The following ARHGAP29 variants were observed in gnomAD, a reference collection of about 807,000 sequenced individuals.
ARHGAP29 encodes rho GTPase-activating protein 29.
ARHGAP29 carries 43 observed loss-of-function variants against 122.6 expected under a neutral mutation model. The observed-to-expected ratio is 0.35, with a 90% confidence interval of 0.27 to 0.45. ARHGAP29 has a LOEUF of 0.45. Among genes scored for constraint, ARHGAP29 ranks in the 20% least tolerant of loss-of-function variants. The pLI is 1.00. For synonymous variants in ARHGAP29, 506 were observed against 497.1 expected, an observed-to-expected ratio of 1.02 and a Z score of -0.24; for missense variants, 1,303 against 1,477.2, an observed-to-expected ratio of 0.88 and a Z score of 1.93.
chr1:94,200,517 C>A (rs1650772861), intron 12 of ARHGAP29, among the ~76,000 whole-genome samples: 1 of 152,158 alleles, frequency 6.6e-6, no homozygotes, highest in Admixed American at 6.5e-5. Flanking sequence ...ACACATTTAG[C>A]ACACCAGCCA....
intron 2 of ARHGAP29, 87 bp from the exon 3 acceptor site, chr1:94,220,479 T>A: frequency 1.6e-6 from 2 of 1,224,384 alleles, no homozygotes; most frequent in Non-Finnish European, 2.2e-6. Context: ...ACATTTCAAG[T>A]AGAAGCATTG....
At chr1:94,200,484 G>A (rs1650770104) in intron 12 of ARHGAP29, among the ~76,000 whole-genome samples, 1 of 152,146 alleles carries the variant, frequency 6.6e-6, no homozygotes, top group Non-Finnish European at 1.5e-5. Flanking sequence ...AAAACAGTTT[G>A]GCAGTTTCTT....
intron 2 of ARHGAP29, among the ~76,000 whole-genome samples, chr1:94,223,179 C>T (rs1013512092): frequency 6.6e-6 from 1 of 152,156 alleles, no homozygotes; most frequent in Non-Finnish European, 1.5e-5. Flanking sequence ...CTCCTGACCT[C>T]GTGATCCATC....
the ARHGAP29 span, chr1:94,302,063 A>G: frequency 7.5e-6 from 2 of 266,908 alleles, no homozygotes; most frequent in South Asian, 4.9e-5. Context: ...GCCAGAGTAA[A>G]TGGATTTGGC....
chr1:94,237,385 C>T (rs1469372559), intron 1 of ARHGAP29, 30 bp downstream of exon 1: 2 of 984,858 alleles, frequency 2.0e-6, no homozygotes, highest in Non-Finnish European at 2.4e-6. Context: ...ACCGCCGCGG[C>T]CGGAGCAAGC....
chr1:94,226,626 A>G (rs1237689432), intron 2 of ARHGAP29, among the ~76,000 whole-genome samples: 1 of 151,956 alleles, frequency 6.6e-6, no homozygotes, highest in Non-Finnish European at 1.5e-5. Context: ...TATGCTAGTT[A>G]CTACTATAAA....
At chr1:94,286,896 A>G in the ARHGAP29 span, among the ~76,000 whole-genome samples, 1 of 152,178 alleles carries the variant, frequency 6.6e-6, no homozygotes, top group African/African-American at 2.4e-5. Context: ...CTCTCACACA[A>G]CAATCACAAT....
upstream of ARHGAP29, chr1:94,237,855 C>T (rs971061592): frequency 2.9e-6 from 2 of 701,498 alleles, no homozygotes; most frequent in Non-Finnish European, 3.5e-6. Flanking sequence ...GGACTAGATG[C>T]GGCTAATGGC....
intron 1 of ARHGAP29, among the ~76,000 whole-genome samples, chr1:94,232,481 C>T (rs778372803): frequency 2.0e-4 from 30 of 152,222 alleles, no homozygotes; most frequent in Admixed American, 8.5e-4. Flanking sequence ...TAAATAAACA[C>T]GTGTGATCAT....
At chr1:94,278,419 A>G (rs534290186), upstream of ARHGAP29, among the ~76,000 whole-genome samples, 7 of 152,336 alleles carry the variant, frequency 4.6e-5, no homozygotes, top group African/African-American at 1.7e-4. Context: ...TAATTCTACT[A>G]CTTACACAAA....
the ARHGAP29 span, among the ~76,000 whole-genome samples, chr1:94,299,585 T>C: frequency 6.6e-6 from 1 of 152,064 alleles, no homozygotes; most frequent in East Asian, 1.9e-4. Flanking sequence ...TTTTCGGTGG[T>C]GGGGGGGAAC....
intron 5 of ARHGAP29, among the ~76,000 whole-genome samples, chr1:94,208,424 T>C (rs577248696): frequency 1.3e-5 from 2 of 152,272 alleles, no homozygotes; most frequent in African/African-American, 2.4e-5. Context: ...AGAAATATTA[T>C]CCATACATTC....
At chr1:94,287,263 T>C in the ARHGAP29 span, among the ~76,000 whole-genome samples, 6 of 152,156 alleles carry the variant, frequency 3.9e-5, no homozygotes, top group African/African-American at 1.4e-4. Context: ...CCCCACATAT[T>C]GAGGGAGGGA....
chr1:94,184,582 G>GA (rs1046345944), intron 18 of ARHGAP29, among the ~76,000 whole-genome samples: 5 of 151,394 alleles, frequency 3.3e-5, no homozygotes, highest in Admixed American at 2.0e-4. Context: ...CATCTCTACA[G>GA]AAAAAAATTT....
intron 20 of ARHGAP29, among the ~76,000 whole-genome samples, chr1:94,179,198 G>A (rs766643078): frequency 2.0e-5 from 3 of 152,188 alleles, no homozygotes; most frequent in Admixed American, 6.5e-5. Context: ...TTGGCTGCAT[G>A]TACATATATC....
chr1:94,276,924 C>T (rs78344668), upstream of ARHGAP29, among the ~76,000 whole-genome samples: 4,027 of 151,958 alleles, frequency 0.027, 180 homozygotes, highest in African/African-American at 0.092. Flanking sequence ...ACCTGGCTTC[C>T]GGGCACTGCA....
chr1:94,239,627 A>G (rs769001980), upstream of ARHGAP29, among the ~76,000 whole-genome samples: 1 of 152,120 alleles, frequency 6.6e-6, no homozygotes, highest in African/African-American at 2.4e-5. Context: ...GGAAGCAGAG[A>G]AAGAAAATGA....
intron 19 of ARHGAP29, among the ~76,000 whole-genome samples, chr1:94,181,296 G>C (rs1649443333): frequency 6.6e-6 from 1 of 152,186 alleles, no homozygotes. Context: ...GTAGATCCCT[G>C]TTGCCACTTC....
chr1:94,222,984 C>G (rs1033758159), intron 2 of ARHGAP29, among the ~76,000 whole-genome samples: 5 of 149,758 alleles, frequency 3.3e-5, no homozygotes, highest in Non-Finnish European at 7.4e-5. Flanking sequence ...CGCTCTGTCT[C>G]CCAGGCTGGA....
Sources: gnomAD v4.1 joint callset for allele counts (sites outside exome capture counted in the v4.1 genomes callset) on GRCh38, gnomAD v4.1.1 for gene constraint, MANE v1.5 for transcripts, NCBI Gene and HGNC (gene_info 2026-07-23, HGNC 2026-07-21) for gene names.